The following CADPS2 variants were observed in gnomAD, a reference collection of about 807,000 sequenced individuals.
The protein encoded by CADPS2 is calcium-dependent secretion activator 2.
In CADPS2, 93 loss-of-function variants were observed where a neutral mutation model predicts 172.5. The observed-to-expected ratio is 0.54, with a 90% confidence interval of 0.46 to 0.64. The LOEUF (loss-of-function observed/expected upper bound fraction) is 0.64, where lower values mean the gene tolerates loss of function less well. Among genes scored for constraint, CADPS2 ranks in the 30% least tolerant of loss-of-function variants. The pLI is 0.00. For synonymous variants in CADPS2, 546 were observed against 555.2 expected (o/e 0.98, Z 0.23); for missense variants, 1,420 against 1,565.9 (o/e 0.91, Z 1.57).
At chr7:122,632,482 T>C (rs1222250077) in intron 3 of CADPS2, among the ~76,000 whole-genome samples, 1 of 152,222 alleles carries the variant, frequency 6.6e-6, no homozygotes, top group African/African-American at 2.4e-5. Flanking sequence ...CATTTGCTCA[T>C]GTTTTTTGGC....
At chr7:122,467,383 T>A (rs1213041582) in intron 14 of CADPS2, among the ~76,000 whole-genome samples, 1 of 152,178 alleles carries the variant, frequency 6.6e-6, no homozygotes, top group Admixed American at 6.6e-5. Context: ...AAATTACAGA[T>A]TGGAAGTTTG....
At chr7:122,449,548 C>T (rs1041029635) in intron 15 of CADPS2, among the ~76,000 whole-genome samples, 16 of 152,064 alleles carry the variant, frequency 1.1e-4, no homozygotes, top group Non-Finnish European at 2.4e-4. Flanking sequence ...TCTTGAACTC[C>T]TGGGCTCAAG....
chr7:122,656,491 G>A (rs2079811096), intron 3 of CADPS2, among the ~76,000 whole-genome samples: 1 of 152,132 alleles, frequency 6.6e-6, no homozygotes. Flanking sequence ...GCTGCATCCA[G>A]GGAAGAGAAT....
intron 9 of CADPS2, among the ~76,000 whole-genome samples, chr7:122,506,743 A>AG (rs1491588647): frequency 6.8e-6 from 1 of 147,942 alleles, no homozygotes; most frequent in African/African-American, 2.5e-5. Flanking sequence ...AAAAAAAAAA[A>AG]CAAACAAACT....
intron 7 of CADPS2, among the ~76,000 whole-genome samples, chr7:122,560,439 A>G (rs977096902): frequency 6.6e-6 from 1 of 152,202 alleles, no homozygotes; most frequent in Non-Finnish European, 1.5e-5. Flanking sequence ...ACTCAAGTAA[A>G]GAATAATTCC....
chr7:122,385,739 G>T (rs563705282), intron 24 of CADPS2, among the ~76,000 whole-genome samples: 1 of 152,056 alleles, frequency 6.6e-6, no homozygotes, highest in Non-Finnish European at 1.5e-5. Flanking sequence ...CACATCCTAG[G>T]CCATGAGTGG....
intron 1 of CADPS2, among the ~76,000 whole-genome samples, chr7:122,840,405 G>C (rs1174492136): frequency 3.3e-5 from 5 of 151,726 alleles, no homozygotes; most frequent in African/African-American, 1.2e-4. Flanking sequence ...TTTTGCACAT[G>C]TACCCTAGAA....
chr7:122,338,466 A>G (rs1384824185), intron 28 of CADPS2, among the ~76,000 whole-genome samples: 4 of 152,204 alleles, frequency 2.6e-5, no homozygotes, highest in Non-Finnish European at 1.5e-5. Context: ...ACCTCACTGT[A>G]CTCATATCAT....
At chr7:122,621,455 G>T in intron 5 of CADPS2, 26 bp downstream of exon 5, 1 of 1,414,074 alleles carries the variant, frequency 7.1e-7, no homozygotes, top group Non-Finnish European at 1.0e-6. Context: ...TGCTGTCAGA[G>T]GTGAGCATGA....
At chr7:122,366,654 T>TAC (rs1410009840) in intron 25 of CADPS2, 7 of 140,452 alleles carry the variant, frequency 5.0e-5, no homozygotes, top group African/African-American at 8.4e-5. Flanking sequence ...CACATATATA[T>TAC]ACATACACAC....
chr7:122,326,534 A>G (rs1302987171), intron 28 of CADPS2, among the ~76,000 whole-genome samples: 1 of 152,110 alleles, frequency 6.6e-6, no homozygotes, highest in East Asian at 1.9e-4. Context: ...GAGAAATATC[A>G]ATGTCCACTC....
At chr7:122,875,066 A>T (rs1585088829) in intron 1 of CADPS2, among the ~76,000 whole-genome samples, 1 of 152,236 alleles carries the variant, frequency 6.6e-6, no homozygotes, top group East Asian at 1.9e-4. Context: ...GACTAGGCAT[A>T]AATTGTTGCA....
At chr7:122,740,610 T>G in intron 1 of CADPS2, among the ~76,000 whole-genome samples, 1 of 152,100 alleles carries the variant, frequency 6.6e-6, no homozygotes, top group East Asian at 1.9e-4. Context: ...AAGCTCAATT[T>G]TGTTGTGAAA....
At chr7:122,773,403 A>G (rs575116216) in intron 1 of CADPS2, among the ~76,000 whole-genome samples, 15 of 152,242 alleles carry the variant, frequency 9.9e-5, no homozygotes, top group Admixed American at 9.8e-4. Flanking sequence ...TAATTACAGC[A>G]CTAAATTATC....
intron 7 of CADPS2, among the ~76,000 whole-genome samples, chr7:122,575,387 T>C (rs1563750887): frequency 6.6e-6 from 1 of 151,984 alleles, no homozygotes; most frequent in East Asian, 1.9e-4. Flanking sequence ...AATGAAGAAA[T>C]TGAAGTGATG....
intron 1 of CADPS2, among the ~76,000 whole-genome samples, chr7:122,851,354 C>T (rs1210651513): frequency 6.6e-6 from 1 of 152,126 alleles, no homozygotes; most frequent in Non-Finnish European, 1.5e-5. Context: ...CCTTCTGTGC[C>T]CAATCACTGG....
intron 2 of CADPS2, among the ~76,000 whole-genome samples, chr7:122,669,910 C>T (rs530699983): frequency 1.6e-4 from 24 of 151,932 alleles, no homozygotes; most frequent in African/African-American, 5.8e-4. Context: ...AGTGACAGAT[C>T]CCAGTTTCCA....
intron 14 of CADPS2, among the ~76,000 whole-genome samples, chr7:122,462,036 C>T (rs1343086599): frequency 6.6e-6 from 1 of 152,202 alleles, no homozygotes; most frequent in East Asian, 1.9e-4. Context: ...AAAAGAAATT[C>T]CCAATAACAA....
At chr7:122,575,030 T>A (rs1038624271) in intron 7 of CADPS2, among the ~76,000 whole-genome samples, 2 of 152,134 alleles carry the variant, frequency 1.3e-5, no homozygotes, top group Non-Finnish European at 2.9e-5. Flanking sequence ...AAACATTATG[T>A]AGGTGGATGC....
Sources: allele counts gnomAD v4.1 joint callset (sites outside exome capture counted in the v4.1 genomes callset), GRCh38; gene constraint gnomAD v4.1.1; transcripts MANE v1.5; gene names NCBI Gene and HGNC (gene_info 2026-07-23, HGNC 2026-07-21).